The following EML6 variants were observed in gnomAD, a reference collection of about 807,000 sequenced individuals.
EML6 encodes echinoderm microtubule-associated protein-like 6.
In EML6, 154 loss-of-function variants were observed where a neutral mutation model predicts 240.1. That is an observed-to-expected ratio of 0.64 (90% CI 0.56 to 0.73). The LOEUF (loss-of-function observed/expected upper bound fraction) is 0.73. Among genes scored for constraint, EML6 ranks in the 30% least tolerant of loss-of-function variants. EML6 has a pLI of 0.00. For synonymous variants in EML6, 1,148 were observed against 899.0 expected (o/e 1.28, Z -4.95); for missense variants, 2,964 against 2,474.6 (o/e 1.20, Z -4.20).
At chr2:54,876,011 T>A (rs1485513599) in intron 16 of EML6, among the ~76,000 whole-genome samples, 1 of 152,224 alleles carries the variant, frequency 6.6e-6, no homozygotes, top group African/African-American at 2.4e-5. Context: ...AACTCATAAT[T>A]GTCTGAATAA....
chr2:54,868,173 ATTT>A (rs151019126), intron 14 of EML6: 9 of 151,682 alleles, frequency 5.9e-5, no homozygotes, highest in Admixed American at 5.9e-4. Context: ...ACTGAAATAA[ATTT>A]TTTTTTCTAA....
At chr2:54,910,807 A>G (rs1282838179) in intron 24 of EML6, 147 bp from the exon 25 acceptor site, 7 of 539,506 alleles carry the variant, frequency 1.3e-5, no homozygotes, top group Admixed American at 5.9e-5. Context: ...TTGGCTGTAC[A>G]TGCCCTTCTG....
At chr2:54,735,119 C>G (rs1683335956) in intron 2 of EML6, among the ~76,000 whole-genome samples, 1 of 152,232 alleles carries the variant, frequency 6.6e-6, no homozygotes, top group Non-Finnish European at 1.5e-5. Flanking sequence ...TCACTTCCTT[C>G]AATATCAATG....
intron 10 of EML6, 37 bp from the exon 11 acceptor site, chr2:54,853,603 CTTT>C: frequency 8.1e-7 from 1 of 1,228,994 alleles, no homozygotes; most frequent in Non-Finnish European, 1.1e-6. Context: ...TTAGAATAAA[CTTT>C]TTATTTAAAT....
chr2:54,881,991 G>A (rs909477535), intron 17 of EML6: 6 of 152,262 alleles, frequency 3.9e-5, no homozygotes, highest in Admixed American at 3.9e-4. Flanking sequence ...CTGTGCTGCT[G>A]GTGGCTGTGC....
chr2:54,743,190 G>A (rs1683733695), intron 2 of EML6, among the ~76,000 whole-genome samples: 1 of 152,328 alleles, frequency 6.6e-6, no homozygotes. Context: ...TGGACAGGAC[G>A]CAGTCACGTC....
chr2:54,863,112 T>A (rs1336831914), intron 12 of EML6, among the ~76,000 whole-genome samples: 1 of 152,238 alleles, frequency 6.6e-6, no homozygotes. Context: ...ATTATTTGAA[T>A]AAATGTTGAC....
intron 26 of EML6, 49 bp from the exon 27 acceptor site, chr2:54,928,264 A>G: frequency 1.4e-6 from 2 of 1,395,270 alleles, no homozygotes; most frequent in South Asian, 2.5e-5. Context: ...ACGAGCCCAG[A>G]GAAAGGAATA....
intron 2 of EML6, chr2:54,747,305 G>A (rs541631700): frequency 1.1e-4 from 17 of 152,216 alleles, no homozygotes; most frequent in African/African-American, 2.9e-4. Flanking sequence ...TTTTCAGAGC[G>A]GGTCACTTCA....
At chr2:54,825,047 C>G (rs1668522254) in intron 5 of EML6, among the ~76,000 whole-genome samples, 1 of 152,224 alleles carries the variant, frequency 6.6e-6, no homozygotes, top group Non-Finnish European at 1.5e-5. Context: ...CTTATACCAT[C>G]TGACCTGGTG....
chr2:54,737,380 C>A lies in EML6; in HGVS notation c.197+12122C>A, dbSNP rs7588695. Among the ~76,000 whole-genome samples, 686 of 152,148 alleles carry A rather than the reference C, an allele frequency of 4.5e-3. 5 individuals are homozygous for A. Among genetic ancestry groups the A allele is most frequent in the African/African-American group, 0.016 (658 of 41,510 alleles). On this transcript the variant is annotated intron_variant, in intron 2 of 41. Coordinates refer to ENST00000356458, the MANE Select transcript of EML6 (RefSeq NM_001039753.4). Reference sequence around the variant, plus strand: ...GTGGCGCGATCTCGGCTCACTGCAACCTCTGCCTCCCGGGTTCAAGCGATT... The same window carrying A: ...GTGGCGCGATCTCGGCTCACTGCAAACTCTGCCTCCCGGGTTCAAGCGATT...
intron 2 of EML6, among the ~76,000 whole-genome samples, chr2:54,736,898 A>T (rs1558515594): frequency 6.6e-6 from 1 of 152,222 alleles, no homozygotes; most frequent in South Asian, 2.1e-4. Flanking sequence ...AAATTGAGGG[A>T]CATTCTACAA....
In EML6 at chr2:54,846,363, T is replaced by A. The variant is rs185972360; in HGVS notation, c.1050-1123T>A. Reference sequence around the variant, plus strand: ...ATATATTTACATACATATATAATTATATTGATTATGTATACTGATATGTAG... The same window carrying A: ...ATATATTTACATACATATATAATTAAATTGATTATGTATACTGATATGTAG... On this transcript the variant is annotated intron_variant, in intron 8 of 41. Transcript: ENST00000356458. Among the ~76,000 whole-genome samples, 688 of 152,084 alleles carry A rather than the reference T, an allele frequency of 4.5e-3. 5 individuals are homozygous for A. Among genetic ancestry groups the A allele is most frequent in the African/African-American group, 0.016 (649 of 41,482 alleles).
chr2:54,903,479 C>T lies in EML6; in HGVS notation c.3386C>T (p.Thr1129Ile). The T allele has an allele frequency of 6.4e-7, 1 of 1,551,736 alleles. No individual in the cohort carries two copies. Among genetic ancestry groups the T allele is most frequent in the Non-Finnish European group, 8.7e-7 (1 of 1,146,912 alleles). Residue 1129 changes from threonine to isoleucine, a missense_variant, in exon 24 of 42, where the codon ACA becomes ATA. Thr to Ile is a moderately conservative substitution (Grantham distance 89). Coordinates refer to ENST00000356458, the MANE Select transcript of EML6 (RefSeq NM_001039753.4). ...GICKGASSYI[T>I]HIDWDSRGKL... ...TGTAAAGGTGCTTCTAGTTATATTA[C>T]ACACATTGACTGGGACTCTAGAGGT...
chr2:54,796,463 G>A (rs17046344), intron 2 of EML6, among the ~76,000 whole-genome samples: 16,263 of 151,846 alleles, frequency 0.11, 1,114 homozygotes, highest in Non-Finnish European at 0.16. Context: ...AGTGTATTGA[G>A]TAAAGTGAGC....
chr2:54,956,993 C>CTATTAG (rs1447955017), intron 32 of EML6, among the ~76,000 whole-genome samples: 2 of 152,078 alleles, frequency 1.3e-5, no homozygotes, highest in African/African-American at 4.8e-5. Context: ...AATACTATTA[C>CTATTAG]TACTACTACT....
Position 54,725,185 on chromosome 2 carries a change from G to C in EML6, c.124G>C (p.Gly42Arg). Residue 42 changes from glycine to arginine, a missense_variant, in exon 2 of 42, where the codon GGG becomes CGG. Physicochemically the swap from Gly to Arg is moderately radical, Grantham distance 125 (BLOSUM62 -2). Transcript: ENST00000356458. The surrounding 1 kb of genome is among the most constrained non-coding windows in gnomAD (Gnocchi z 4.3). ...CAAGGAGGTGGTCTACTTTGTGGCT[G>C]GGGTCGGGGTGGTTTACAACACCCG... ...AGKEVVYFVA[G>R]VGVVYNTREH... 1 of 1,527,774 alleles carries C rather than the reference G, an allele frequency of 6.5e-7. No individual in the cohort carries two copies. The allele number at this position is 1,527,774 out of a possible 1,614,324, so 94.6% of individuals were successfully genotyped here.
At position 54,950,895 on chromosome 2, in the gene EML6, C is replaced by A. The variant is rs879113842; in HGVS notation, c.4213+116C>A. 3.1e-5 allele frequency: 34 copies of A among 1,100,330 alleles called. 1 individual carries two copies. The South Asian group carries it at 4.2e-4, about 14-fold the overall frequency. The allele number at this position is 1,100,330 out of a possible 1,614,324, so 68.2% of individuals were successfully genotyped here. On this transcript the variant is annotated intron_variant, in intron 30 of 41. Transcript: ENST00000356458. ...TCCTTCCCTTATAGAGCCATTCCCCCCAATTCCAGCATGGTCTCAGTTAGG... is the reference window on the plus strand; with the variant it reads ...TCCTTCCCTTATAGAGCCATTCCCCACAATTCCAGCATGGTCTCAGTTAGG...
chr2:54,805,839 G>T (rs943574398), intron 2 of EML6, among the ~76,000 whole-genome samples: 1 of 152,116 alleles, frequency 6.6e-6, no homozygotes. Flanking sequence ...TGGTAAAAGG[G>T]AAGAGTAAGG....
Sources: gnomAD v4.1 joint callset for allele counts (sites outside exome capture counted in the v4.1 genomes callset) on GRCh38, gnomAD v4.1.1 for gene constraint, Gnocchi (gnomAD v3.1) non-coding constraint, MANE v1.5 for transcripts, NCBI Gene and HGNC (gene_info 2026-07-23, HGNC 2026-07-21) for gene names.